CXCL14: variants seen among roughly 807,000 people sequenced by gnomAD.
CXCL14 encodes C-X-C motif chemokine ligand 14, also known as C-X-C motif chemokine 14.
CXCL14 carries 9 observed loss-of-function variants against 16.1 expected under a neutral mutation model. The ratio of observed to expected loss-of-function variants is 0.56; its 90% CI spans 0.34 to 0.97. The LOEUF is 0.97. CXCL14 is among the 50% of genes least tolerant of loss of function. CXCL14 has a pLI of 0.02. For synonymous variants in CXCL14, 55 were observed against 52.8 expected (o/e 1.04, Z -0.18); for missense variants, 111 against 132.5 (o/e 0.84, Z 0.80).
Position 135,571,495 on chromosome 5 carries a change from C to T in CXCL14, c.*358G>A, listed in dbSNP as rs73300408. ...CACCAAGCTCATTGTTCCTCCCGGG[C>T]GCTTATAAAGCTCAGATGTATAGTG... On this transcript the variant is annotated 3_prime_UTR_variant, in exon 4 of 4. Transcript: ENST00000512158. 2,847 of 218,886 alleles carry T rather than the reference C, an allele frequency of 0.013. 82 individuals are homozygous for T. Among genetic ancestry groups the T allele is most frequent in the African/African-American group, 0.061 (2,637 of 43,474 alleles). 13.6% of individuals were successfully genotyped at this position (218,886 alleles called of 1,614,324 possible). A position where few individuals can be genotyped will look rare whatever the true frequency, so the allele number is the denominator to read the frequency against.
Position 135,574,719 on chromosome 5 carries a change from G to A in CXCL14, c.171-34C>T, listed in dbSNP as rs535801773. On this transcript the variant is annotated intron_variant, in intron 2 of 3. Transcript: ENST00000512158. The stretch of plus-strand genomic sequence containing the variant: ...GAGCAGGATGAGGTGGAGGGTTGAG[G>A]AGCCTGAATAACATGTTGCCTCTTG... 5.2e-6 allele frequency: 8 copies of A among 1,547,014 alleles called. No individual in the cohort carries two copies. In the East Asian group the frequency reaches 1.1e-4, roughly 22 times the overall value.
At chr5:135,577,775 C>T (rs1751131036) in intron 2 of CXCL14, among the ~76,000 whole-genome samples, 1 of 152,176 alleles carries the variant, frequency 6.6e-6, no homozygotes, top group South Asian at 2.1e-4. Flanking sequence ...CTCACTCTGC[C>T]CCAGTTTTTC....
rs2126867262 is a variant in CXCL14 at position 135,578,827 on chromosome 5, G to A, written c.-49C>T. On this transcript the variant is annotated 5_prime_UTR_variant, in exon 1 of 4. Transcript: ENST00000512158. ...GGAGCAGGGACATGGGGAGGGCGCT[G>A]GCCCGTCGGAGCGGCGGCCCGGAGA... The A allele has an allele frequency of 6.7e-7, 1 of 1,490,438 alleles. No homozygotes were observed. Among genetic ancestry groups the A allele is most frequent in the Non-Finnish European group, 8.9e-7 (1 of 1,126,576 alleles). The allele number at this position is 1,490,438 out of a possible 1,614,324, so 92.3% of individuals were successfully genotyped here.
intron 2 of CXCL14, 52 bp from the exon 3 acceptor site, chr5:135,574,737 G>A: frequency 1.4e-6 from 2 of 1,458,406 alleles, no homozygotes; most frequent in Non-Finnish European, 9.6e-7. Context: ...ATAACATGTT[G>A]CCTCTTGTGT....
chr5:135,577,781 T>G (rs1200158888), intron 2 of CXCL14, among the ~76,000 whole-genome samples: 2 of 152,112 alleles, frequency 1.3e-5, no homozygotes, highest in Non-Finnish European at 2.9e-5. Flanking sequence ...CTGCCCCAGT[T>G]TTTCCAACAT....
rs559085630 is a variant in CXCL14 at position 135,573,648 on chromosome 5, T to C, written c.284+924A>G. 7.2e-5 allele frequency among the ~76,000 whole-genome samples: 11 copies of C among 152,242 alleles called. No individual in the cohort carries two copies. The South Asian group carries it at 2.3e-3, about 32-fold the overall frequency. On this transcript the variant is annotated intron_variant, in intron 3 of 3. Coordinates refer to ENST00000512158, the MANE Select transcript of CXCL14 (RefSeq NM_004887.5). Reference sequence around the variant, plus strand: ...TCCATTTAGCCTTGATATCCCCCTCTGCAGCAGGGGTGCTGGCACTAGTTC... The same window carrying C: ...TCCATTTAGCCTTGATATCCCCCTCCGCAGCAGGGGTGCTGGCACTAGTTC...
chr5:135,572,129 T>C (rs1751039688), intron 3 of CXCL14, among the ~76,000 whole-genome samples: 1 of 152,192 alleles, frequency 6.6e-6, no homozygotes, highest in Non-Finnish European at 1.5e-5. Context: ...CAGAGGCCTA[T>C]GGAACAAACC....
At chr5:135,578,380 G>A in intron 2 of CXCL14, 54 bp downstream of exon 2, 1 of 1,448,216 alleles carries the variant, frequency 6.9e-7, no homozygotes, top group Non-Finnish European at 9.7e-7. Flanking sequence ...GCTGTGCCCT[G>A]GCATTGGGTT....
intron 2 of CXCL14, among the ~76,000 whole-genome samples, chr5:135,576,298 T>A (rs1472436629): frequency 6.6e-6 from 1 of 152,216 alleles, no homozygotes. Flanking sequence ...CCTGCAGGAA[T>A]TTAGCAAATG....
chr5:135,578,875 T>G lies in CXCL14; in HGVS notation c.-97A>C. On this transcript the variant is annotated 5_prime_UTR_variant, in exon 1 of 4. Transcript: ENST00000512158. ...AGACGCCACCCAGCTCTGCTCGGCT[T>G]TCTCTGCCCGGGGCGCGCCTTCCGG... is the stretch of plus-strand genomic sequence containing the variant. 7.6e-7 allele frequency: 1 copy of G among 1,315,660 alleles called. No homozygotes were observed. Among genetic ancestry groups the G allele is most frequent in the Non-Finnish European group, 1.0e-6 (1 of 1,004,466 alleles). The allele number at this position is 1,315,660 out of a possible 1,614,324, so 81.5% of individuals were successfully genotyped here.
intron 2 of CXCL14, among the ~76,000 whole-genome samples, chr5:135,575,989 A>T (rs1751090800): frequency 6.6e-6 from 1 of 152,240 alleles, no homozygotes. Context: ...AAGGGACAGG[A>T]TTCCCATTAC....
At chr5:135,572,346 AT>A (rs1278669062) in intron 3 of CXCL14, among the ~76,000 whole-genome samples, 1 of 152,170 alleles carries the variant, frequency 6.6e-6, no homozygotes, top group Non-Finnish European at 1.5e-5. Flanking sequence ...AGGCTTGTAT[AT>A]TTCTTTGTAT....
At chr5:135,577,379 G>A (rs1315667232) in intron 2 of CXCL14, among the ~76,000 whole-genome samples, 2 of 152,228 alleles carry the variant, frequency 1.3e-5, no homozygotes, top group African/African-American at 4.8e-5. Context: ...GTAGGGACAA[G>A]CAAGTTAATT....
chr5:135,572,139 C>A (rs531991346), intron 3 of CXCL14, among the ~76,000 whole-genome samples: 1 of 152,292 alleles, frequency 6.6e-6, no homozygotes, highest in African/African-American at 2.4e-5. Context: ...TGGAACAAAC[C>A]CGCTTTGCAT....
At chr5:135,575,114 C>T (rs1751080020) in intron 2 of CXCL14, among the ~76,000 whole-genome samples, 1 of 152,268 alleles carries the variant, frequency 6.6e-6, no homozygotes, top group East Asian at 1.9e-4. Flanking sequence ...AACCTCTGTC[C>T]TTGGATTTGA....
chr5:135,576,272 C>T (rs1213595795), intron 2 of CXCL14, among the ~76,000 whole-genome samples: 2 of 152,204 alleles, frequency 1.3e-5, no homozygotes, highest in Non-Finnish European at 2.9e-5. Context: ...CTCTCTCCCC[C>T]ACTGTGCCCA....
chr5:135,577,039 C>G (rs1284537621), intron 2 of CXCL14, among the ~76,000 whole-genome samples: 2 of 152,182 alleles, frequency 1.3e-5, no homozygotes, highest in African/African-American at 2.4e-5. Context: ...CTTTCTCACA[C>G]TTGCCTAGCT....
chr5:135,573,197 A>C (rs1751051327), intron 3 of CXCL14, among the ~76,000 whole-genome samples: 2 of 152,160 alleles, frequency 1.3e-5, no homozygotes, highest in Admixed American at 1.3e-4. Flanking sequence ...TGCCCATGGG[A>C]TTAGCCTTCT....
chr5:135,571,786 A>ATTTTTTTTTTTT lies in CXCL14; in HGVS notation c.*66_*67insAAAAAAAAAAAA. Reference sequence around the variant, plus strand: ...TTTTTTTTTTTTTTTTTTTTTTTTTAATCTGCAAAGTCCTTTGCACAAGTC... The same window carrying ATTTTTTTTTTTT: ...TTTTTTTTTTTTTTTTTTTTTTTTTATTTTTTTTTTTTATCTGCAAAGTCCTTTGCACAAGTC... On this transcript the variant is annotated 3_prime_UTR_variant, in exon 4 of 4. Coordinates refer to ENST00000512158, the MANE Select transcript of CXCL14 (RefSeq NM_004887.5). The ATTTTTTTTTTTT allele has an allele frequency of 3.4e-6, 1 of 294,514 alleles. No homozygotes were observed. Among genetic ancestry groups the ATTTTTTTTTTTT allele is most frequent in the Non-Finnish European group, 5.9e-6 (1 of 170,602 alleles). The allele number at this position is 294,514 out of a possible 1,614,324, so 18.2% of individuals were successfully genotyped here. A position where few individuals can be genotyped will look rare whatever the true frequency, so the allele number is the denominator to read the frequency against.
Sources: allele counts gnomAD v4.1 joint callset (sites outside exome capture counted in the v4.1 genomes callset), GRCh38; gene constraint gnomAD v4.1.1; transcripts MANE v1.5; gene names NCBI Gene and HGNC (gene_info 2026-07-23, HGNC 2026-07-21).